The following IP6K3 variants were observed in gnomAD, a reference collection of about 807,000 sequenced individuals.
IP6K3 encodes ATP:1D-myo-inositol-hexakisphosphate phosphotransferase.
In IP6K3, 20 loss-of-function variants were observed where a neutral mutation model predicts 28.8. The observed-to-expected ratio is 0.70, with a 90% CI of 0.49 to 1.01. The LOEUF (loss-of-function observed/expected upper bound fraction) is 1.01, where lower values mean the gene tolerates loss of function less well. Ranked by LOEUF, IP6K3 falls within the 50% of genes least tolerant of loss-of-function variation. The pLI is 0.00. For synonymous variants in IP6K3, 213 were observed against 221.3 expected (o/e 0.96, Z 0.33); for missense variants, 480 against 537.1 (o/e 0.89, Z 1.05).
At chr6:33,741,450 TA>T in intron 1 of IP6K3, among the ~76,000 whole-genome samples, 1 of 152,004 alleles carries the variant, frequency 6.6e-6, no homozygotes, top group South Asian at 2.1e-4. Context: ...GAGACTAGCC[TA>T]AGCCAACATG....
chr6:33,746,957 C>T (rs1766935321), upstream of IP6K3: 1 of 152,566 alleles, frequency 6.6e-6, no homozygotes, highest in African/African-American at 2.4e-5. This position sits in a 1 kb window ranked among gnomAD's most constrained non-coding sequence, Gnocchi z 6.5. Context: ...TCACCTGACC[C>T]TCTGGGGAAG....
At chr6:33,724,008 AC>A (rs1426194884) in intron 5 of IP6K3, among the ~76,000 whole-genome samples, 3 of 152,060 alleles carry the variant, frequency 2.0e-5, no homozygotes, top group Non-Finnish European at 4.4e-5. Flanking sequence ...GGGGGGTGGC[AC>A]CCCTCTGCCT....
chr6:33,728,054 C>A, intron 3 of IP6K3, 33 bp downstream of exon 3: 1 of 1,591,960 alleles, frequency 6.3e-7, no homozygotes, highest in East Asian at 2.2e-5. Context: ...TGCCGAGGGA[C>A]AGGGTTTCTG....
upstream of IP6K3, among the ~76,000 whole-genome samples, chr6:33,747,130 C>T (rs778505690): frequency 9.2e-5 from 14 of 152,114 alleles, no homozygotes; most frequent in Admixed American, 5.2e-4. This position sits in a 1 kb window ranked among gnomAD's most constrained non-coding sequence, Gnocchi z 5.2. Context: ...CAGCTGCCCA[C>T]GTAGATGTCA....
intron 1 of IP6K3, among the ~76,000 whole-genome samples, chr6:33,736,910 G>T (rs933849680): frequency 6.6e-6 from 1 of 152,220 alleles, no homozygotes; most frequent in African/African-American, 2.4e-5. Context: ...GGAAAGGACA[G>T]CCCAGCACCC....
At chr6:33,727,455 C>T (rs1327879331) in intron 3 of IP6K3, among the ~76,000 whole-genome samples, 1 of 152,208 alleles carries the variant, frequency 6.6e-6, no homozygotes, top group Non-Finnish European at 1.5e-5. Flanking sequence ...AGCCCAGAGG[C>T]TTAATGAGAT....
At chr6:33,740,066 A>T (rs1265467020) in intron 1 of IP6K3, among the ~76,000 whole-genome samples, 1 of 152,266 alleles carries the variant, frequency 6.6e-6, no homozygotes, top group East Asian at 1.9e-4. Context: ...CCTGCTGCCA[A>T]ATATCCTTGG....
intron 2 of IP6K3, among the ~76,000 whole-genome samples, chr6:33,732,298 G>T (rs759918472): frequency 3.3e-5 from 5 of 152,210 alleles, no homozygotes; most frequent in Admixed American, 2.0e-4. Context: ...CCATCGTGGC[G>T]CAGGGTGGCG....
intron 1 of IP6K3, among the ~76,000 whole-genome samples, chr6:33,745,182 T>G (rs1484616308): frequency 6.6e-6 from 1 of 152,248 alleles, no homozygotes; most frequent in African/African-American, 2.4e-5. Flanking sequence ...TTATTGCTGT[T>G]CCCTGTGGCT....
upstream of IP6K3, among the ~76,000 whole-genome samples, chr6:33,749,760 C>T (rs1027539554): frequency 4.6e-5 from 7 of 151,924 alleles, no homozygotes; most frequent in Admixed American, 2.6e-4. Flanking sequence ...GCTCTTCACA[C>T]ACTTTATCTT....
chr6:33,727,767 C>T, intron 3 of IP6K3: 1 of 923,306 alleles, frequency 1.1e-6, no homozygotes, highest in Non-Finnish European at 1.3e-6. Flanking sequence ...TGTGTACTTC[C>T]TCCCCAGAGA....
At chr6:33,754,622 G>A in the IP6K3 span, among the ~76,000 whole-genome samples, 2 of 152,156 alleles carry the variant, frequency 1.3e-5, no homozygotes, top group African/African-American at 4.8e-5. Flanking sequence ...CCTGGCAGCT[G>A]GCCCTGCACC....
intron 2 of IP6K3, among the ~76,000 whole-genome samples, chr6:33,728,935 G>C (rs1320128917): frequency 6.6e-6 from 1 of 152,176 alleles, no homozygotes; most frequent in Non-Finnish European, 1.5e-5. Flanking sequence ...CATTTCCTCT[G>C]GTTAGATGCA....
In IP6K3 at chr6:33,728,295, C is replaced by T. The variant is rs766496518; in HGVS notation, c.205G>A (p.Val69Ile). Residue 69 changes from valine (V) to isoleucine (I), a missense_variant, in exon 3 of 6, where the codon GTC (valine) becomes ATC (isoleucine). Physicochemically the swap from Val to Ile is conservative, Grantham distance 29. Transcript: ENST00000293756. ...KRFTPQYKGT[V>I]TVHLWKDSTG... Reference sequence around the variant, plus strand: ...CTGTCTTTCCAGAGGTGCACTGTGACGGTACCTGCAAACACACAGGGAAGG... The same window carrying T: ...CTGTCTTTCCAGAGGTGCACTGTGATGGTACCTGCAAACACACAGGGAAGG... The T allele has an allele frequency of 1.1e-5, 17 of 1,613,964 alleles. No homozygotes were observed. Among genetic ancestry groups the T allele is most frequent in the Admixed American group, 5.0e-5 (3 of 60,004 alleles).
upstream of IP6K3, among the ~76,000 whole-genome samples, chr6:33,751,131 AG>A (rs113843502): frequency 1.3e-5 from 2 of 152,062 alleles, no homozygotes; most frequent in Non-Finnish European, 2.9e-5. The surrounding 1 kb of genome is among the most constrained non-coding windows in gnomAD (Gnocchi z 4.3). Flanking sequence ...CTTTGCAGCA[AG>A]GGGGGGCCTT....
the IP6K3 span, among the ~76,000 whole-genome samples, chr6:33,755,159 C>G: frequency 6.4e-4 from 97 of 152,346 alleles, no homozygotes; most frequent in African/African-American, 2.1e-3. Context: ...TCACACGTCT[C>G]TCTTATTTTA....
intron 2 of IP6K3, among the ~76,000 whole-genome samples, chr6:33,729,000 GA>G (rs1223808560): frequency 1.4e-4 from 22 of 152,332 alleles, no homozygotes; most frequent in African/African-American, 5.3e-4. Flanking sequence ...CAAGCCTTGT[GA>G]GATTTCCCCA....
chr6:33,735,064 T>G (rs1399942741), intron 2 of IP6K3, among the ~76,000 whole-genome samples: 2 of 152,134 alleles, frequency 1.3e-5, no homozygotes. Context: ...TGAGCTAATT[T>G]ATAAGGAAAC....
rs1193007356 is a variant in IP6K3 at position 33,725,490 on chromosome 6, C to T, written c.716G>A (p.Cys239Tyr). 1 of 1,613,774 alleles carries T rather than the reference C, an allele frequency of 6.2e-7. No homozygotes were observed. Among genetic ancestry groups the T allele is most frequent in the Middle Eastern group, 1.6e-4 (1 of 6,062 alleles). ...EEKKARHMRK[C>Y]AQSTSACLGV... is the part of the protein sequence containing the mutation. ...CAGGCAGGCTGAGGTGCTCTGCGCACACTTCCTCATGTGGCGGGCCTTCTT... is the reference window on the plus strand; with the variant it reads ...CAGGCAGGCTGAGGTGCTCTGCGCATACTTCCTCATGTGGCGGGCCTTCTT... The change falls in exon 5 of 6, where the codon TGT (cysteine) becomes TAT (tyrosine). Residue 239 changes from cysteine to tyrosine, a missense_variant. Physicochemically the swap from Cys to Tyr is radical, Grantham distance 194. Transcript: ENST00000293756.
Sources: allele counts gnomAD v4.1 joint callset (sites outside exome capture counted in the v4.1 genomes callset), GRCh38; gene constraint gnomAD v4.1.1; non-coding constraint Gnocchi (gnomAD v3.1); transcripts MANE v1.5; gene names NCBI Gene and HGNC (gene_info 2026-07-23, HGNC 2026-07-21).